The following SEMA4D variants were observed in gnomAD, a reference collection of about 807,000 sequenced individuals.
The protein encoded by SEMA4D is semaphorin-4D.
SEMA4D carries 22 observed loss-of-function variants against 74.8 expected under a neutral mutation model. That is an observed-to-expected ratio of 0.29 (90% CI 0.21 to 0.42). SEMA4D has a LOEUF of 0.42. Ranked by LOEUF, SEMA4D falls within the 10% of genes least tolerant of loss-of-function variation. The probability of loss-of-function intolerance (pLI) is 1.00; values close to 1 mark genes in which losing one functional copy is unlikely to be tolerated. For synonymous variants in SEMA4D, 445 were observed against 463.7 expected, an observed-to-expected ratio of 0.96 and a Z score of 0.52; for missense variants, 937 against 1,118.4, an observed-to-expected ratio of 0.84 and a Z score of 2.31.
At chr9:89,460,785 C>T (rs1857022206) in intron 1 of SEMA4D, among the ~76,000 whole-genome samples, 1 of 152,254 alleles carries the variant, frequency 6.6e-6, no homozygotes, top group Admixed American at 6.5e-5. Flanking sequence ...AGAACCCATG[C>T]CCTCCAGCGT....
intron 13 of SEMA4D, chr9:89,385,866 G>GGGGGGGGGGGGGGGCC: frequency 3.1e-5 from 6 of 196,226 alleles, no homozygotes; most frequent in Non-Finnish European, 5.4e-5. Context: ...CAGCGTGGAT[G>GGGGGGGGGGGGGGGCC]CCCGCCCACC....
chr9:89,445,398 T>G (rs530594461), intron 2 of SEMA4D, among the ~76,000 whole-genome samples: 1 of 152,118 alleles, frequency 6.6e-6, no homozygotes, highest in African/African-American at 2.4e-5. Flanking sequence ...ACAACAGAAG[T>G]GTATTCCCTC....
At chr9:89,438,855 C>T (rs1217438607) in intron 2 of SEMA4D, among the ~76,000 whole-genome samples, 2 of 148,178 alleles carry the variant, frequency 1.3e-5, no homozygotes, top group Non-Finnish European at 3.0e-5. Flanking sequence ...TTAGTAGAGA[C>T]GGGGTTTCAC....
chr9:89,386,324 C>G, intron 13 of SEMA4D, 43 bp downstream of exon 13: 1 of 1,455,314 alleles, frequency 6.9e-7, no homozygotes, highest in Non-Finnish European at 9.6e-7. Context: ...ATCAAAGCCA[C>G]CGAGCGGAGA....
chr9:89,434,082 G>A (rs116431521), intron 2 of SEMA4D, among the ~76,000 whole-genome samples: 257 of 152,322 alleles, frequency 1.7e-3, no homozygotes, highest in African/African-American at 5.8e-3. Flanking sequence ...GCCAAGTGAC[G>A]TGGACCACGC....
chr9:89,413,071 T>C (rs1844880342), intron 2 of SEMA4D, among the ~76,000 whole-genome samples: 1 of 152,208 alleles, frequency 6.6e-6, no homozygotes, highest in Non-Finnish European at 1.5e-5. Flanking sequence ...AGCAAAGGTA[T>C]CCCGCTGGGA....
At chr9:89,414,773 C>T (rs1340103817) in intron 2 of SEMA4D, among the ~76,000 whole-genome samples, 1 of 152,176 alleles carries the variant, frequency 6.6e-6, no homozygotes, top group Non-Finnish European at 1.5e-5. Context: ...TAGCCCTGGA[C>T]CTGTGTTGGG....
chr9:89,412,517 T>A (rs144116325), intron 2 of SEMA4D, among the ~76,000 whole-genome samples: 1 of 152,194 alleles, frequency 6.6e-6, no homozygotes, highest in Non-Finnish European at 1.5e-5. Context: ...TGCTTTTACC[T>A]TGGACCAATC....
Position 89,492,476 on chromosome 9 carries a change from G to A in SEMA4D, c.-310+5443C>T, listed in dbSNP as rs540796269. Among the ~76,000 whole-genome samples the A allele has an allele frequency of 3.9e-5, 6 of 152,108 alleles. No individual in the cohort carries two copies. The East Asian group carries it at 1.2e-3, about 29-fold the overall frequency. ...GCCAAGATTAGGGTCCCAGCTCAGA[G>A]CACTCCCCCAAACTCCAGATCCCTT... On this transcript the variant is annotated intron_variant, in intron 1 of 15. Coordinates refer to ENST00000422704, the MANE Select transcript of SEMA4D (RefSeq NM_001371194.2). This position sits in a 1 kb window ranked among gnomAD's most constrained non-coding sequence, Gnocchi z 4.3.
At chr9:89,470,985 A>G (rs1588123263) in intron 1 of SEMA4D, among the ~76,000 whole-genome samples, 1 of 152,222 alleles carries the variant, frequency 6.6e-6, no homozygotes, top group African/African-American at 2.4e-5. Flanking sequence ...CCATCTGCAC[A>G]TGTCTTAAAA....
At chr9:89,491,907 A>ACAG (rs1200065974) in intron 1 of SEMA4D, among the ~76,000 whole-genome samples, 1 of 152,110 alleles carries the variant, frequency 6.6e-6, no homozygotes, top group Non-Finnish European at 1.5e-5. Flanking sequence ...CCGAGAGTCA[A>ACAG]CAGCAGCTCA....
intron 2 of SEMA4D, among the ~76,000 whole-genome samples, chr9:89,427,463 A>C (rs971824268): frequency 6.6e-6 from 1 of 152,142 alleles, no homozygotes; most frequent in African/African-American, 2.4e-5. Flanking sequence ...CCGTCCTCTC[A>C]GTGTGAAAGG....
chr9:89,397,073 C>T (rs1392886543), intron 5 of SEMA4D, among the ~76,000 whole-genome samples: 1 of 152,122 alleles, frequency 6.6e-6, no homozygotes, highest in Non-Finnish European at 1.5e-5. Flanking sequence ...TCACTGAGAC[C>T]CCAACCCCAC....
chr9:89,484,204 G>A lies in SEMA4D; in HGVS notation c.-310+13715C>T, dbSNP rs976236351. Among the ~76,000 whole-genome samples the A allele has an allele frequency of 2.0e-5, 3 of 152,244 alleles. No individual in the cohort carries two copies. The highest frequency in any genetic ancestry group is 7.2e-5 in the African/African-American group (3 of 41,468). On this transcript the variant is annotated intron_variant, in intron 1 of 15. Coordinates refer to ENST00000422704, the MANE Select transcript of SEMA4D (RefSeq NM_001371194.2). The surrounding 1 kb of genome is among the most constrained non-coding windows in gnomAD (Gnocchi z 4.1). ...CTGCATCTGGGAGAGGCAAGCGAGG[G>A]GCCGGCCAGCTTCACTGCCTGCATG...
Position 89,393,647 on chromosome 9 carries a change from T to A in SEMA4D, c.423A>T (p.Thr141=). 1 of 1,609,846 alleles carries A rather than the reference T, an allele frequency of 6.2e-7. No individual in the cohort carries two copies. Among genetic ancestry groups the A allele is most frequent in the Non-Finnish European group, 8.5e-7 (1 of 1,176,002 alleles). The change falls in exon 7 of 16, where the codon ACA becomes ACT. Residue 141 remains threonine, a synonymous_variant. Coordinates refer to ENST00000422704, the MANE Select transcript of SEMA4D (RefSeq NM_001371194.2). ...FQPACDHLNL[T]SFKFLGKNED... ...CATTTTTCCCCAGAAACTTAAAGGATGTTAAGTTCTACAATTGAATAAAAA... is the reference window on the plus strand; with the variant it reads ...CATTTTTCCCCAGAAACTTAAAGGAAGTTAAGTTCTACAATTGAATAAAAA...
chr9:89,375,178 C>CGAG (rs1166406785), downstream of SEMA4D, among the ~76,000 whole-genome samples: 1 of 152,230 alleles, frequency 6.6e-6, no homozygotes, highest in Non-Finnish European at 1.5e-5. Context: ...GCCTCCCCAC[C>CGAG]GAGGAGGAGC....
At chr9:89,398,653 TAA>T (rs899609594) in intron 5 of SEMA4D, among the ~76,000 whole-genome samples, 9 of 152,138 alleles carry the variant, frequency 5.9e-5, no homozygotes, top group Admixed American at 2.0e-4. Flanking sequence ...AGAACAGAGA[TAA>T]GAGAGCACTG....
intron 3 of SEMA4D, among the ~76,000 whole-genome samples, chr9:89,404,783 G>A (rs1279811651): frequency 3.5e-4 from 41 of 117,374 alleles, no homozygotes; most frequent in South Asian, 5.7e-4. Flanking sequence ...TGGGGTCCCT[G>A]TCCCGTTCTC....
chr9:89,479,578 G>A (rs954456074), intron 1 of SEMA4D: 10 of 176,646 alleles, frequency 5.7e-5, no homozygotes, highest in Admixed American at 1.9e-4. Flanking sequence ...TTACGGTGGC[G>A]CGTCTGGAGT....
Sources: gnomAD v4.1 joint callset for allele counts (sites outside exome capture counted in the v4.1 genomes callset) on GRCh38, gnomAD v4.1.1 for gene constraint, Gnocchi (gnomAD v3.1) non-coding constraint, MANE v1.5 for transcripts, NCBI Gene and HGNC (gene_info 2026-07-23, HGNC 2026-07-21) for gene names.